KRABD2: variants seen among roughly 807,000 people sequenced by gnomAD.
KRABD2 encodes KRAB domain-containing protein 2.
At chr17:8,369,776 C>T in the KRABD2 span, 1 of 1,614,178 alleles carries the variant, frequency 6.2e-7, no homozygotes, top group Non-Finnish European at 8.5e-7. Flanking sequence ...ATAAAATGAA[C>T]TTGAACTCAC....
chr17:8,376,233 T>C, the KRABD2 span: 1 of 1,230,768 alleles, frequency 8.1e-7, no homozygotes, highest in Non-Finnish European at 1.0e-6. Context: ...AGGTCGTTAT[T>C]AGCAAGGTAG....
chr17:8,374,937 CAAAAAAAAA>C, the KRABD2 span, among the ~76,000 whole-genome samples: 1,064 of 46,254 alleles, frequency 0.023, 24 homozygotes, highest in Middle Eastern at 0.036. Context: ...GACTCTGTCA[CAAAAAAAAA>C]AAAAAAAAAA....
the KRABD2 span, chr17:8,365,441 G>C: frequency 1.3e-5 from 2 of 152,232 alleles, no homozygotes; most frequent in Non-Finnish European, 2.9e-5. Context: ...GTTGGAAGGA[G>C]GATGGAAACT....
At chr17:8,376,563 G>A in the KRABD2 span, 8 of 986,852 alleles carry the variant, frequency 8.1e-6, no homozygotes, top group African/African-American at 1.7e-5. Flanking sequence ...CCGTCCACCC[G>A]CCAGCTCAGG....
At chr17:8,371,178 AAT>A in the KRABD2 span, 3 of 821,506 alleles carry the variant, frequency 3.7e-6, no homozygotes, top group Non-Finnish European at 1.9e-6. Flanking sequence ...AAAAAAAAAA[AAT>A]TTCTTATGGC....
At chr17:8,369,581 G>T in the KRABD2 span, 1 of 1,614,092 alleles carries the variant, frequency 6.2e-7, no homozygotes, top group Non-Finnish European at 8.5e-7. Context: ...CAATCTTTAG[G>T]TCTGGCCACA....
the KRABD2 span, chr17:8,359,872 G>A: frequency 2.2e-6 from 1 of 455,670 alleles, no homozygotes; most frequent in South Asian, 1.5e-5. Flanking sequence ...ATTGCATCAG[G>A]AGAAAGAGAG....
the KRABD2 span, chr17:8,370,365 AT>A: frequency 1.3e-6 from 2 of 1,579,988 alleles, no homozygotes; most frequent in South Asian, 2.4e-5. Context: ...CTGAGGCATC[AT>A]GGAGAGCTGT....
the KRABD2 span, chr17:8,376,602 G>A: frequency 2.2e-5 from 22 of 986,016 alleles, no homozygotes; most frequent in Non-Finnish European, 2.6e-5. Context: ...GCGCGCGGTG[G>A]AGAAAAGAGC....
At chr17:8,371,494 A>C in the KRABD2 span, 2 of 1,609,868 alleles carry the variant, frequency 1.2e-6, no homozygotes, top group Non-Finnish European at 1.7e-6. Context: ...CTTCAGCAGG[A>C]CTGGGGAAGA....
chr17:8,368,327 A>G, the KRABD2 span, among the ~76,000 whole-genome samples: 5,702 of 152,260 alleles, frequency 0.037, 157 homozygotes, highest in East Asian at 0.076. Context: ...GTCAAGTTGT[A>G]TATGGTAGTC....
At chr17:8,369,433 C>T in the KRABD2 span, 11 of 1,614,070 alleles carry the variant, frequency 6.8e-6, no homozygotes, top group African/African-American at 1.3e-5. Flanking sequence ...TGATTCCTCA[C>T]CATCTGCATG....
chr17:8,375,701 C>CTTTT, the KRABD2 span: 5 of 146,876 alleles, frequency 3.4e-5, no homozygotes, highest in Non-Finnish European at 4.0e-5. Flanking sequence ...TCTTTTCTTT[C>CTTTT]TTTTTTTTTT....
chr17:8,376,689 C>G, the KRABD2 span: 7 of 984,228 alleles, frequency 7.1e-6, no homozygotes, highest in African/African-American at 1.7e-5. Flanking sequence ...CCCAGAGGCC[C>G]CCGAGCAGCA....
chr17:8,360,350 A>G, the KRABD2 span, among the ~76,000 whole-genome samples: 1 of 152,128 alleles, frequency 6.6e-6, no homozygotes, highest in Non-Finnish European at 1.5e-5. Flanking sequence ...TGATTCTAAA[A>G]GGCAAAGTCT....
At chr17:8,359,710 G>A in the KRABD2 span, 1 of 456,040 alleles carries the variant, frequency 2.2e-6, no homozygotes, top group East Asian at 6.9e-5. Flanking sequence ...AGTTTCAGGT[G>A]TCTGGACTGG....
the KRABD2 span, among the ~76,000 whole-genome samples, chr17:8,366,176 C>A: frequency 6.6e-6 from 1 of 152,092 alleles, no homozygotes; most frequent in Non-Finnish European, 1.5e-5. Flanking sequence ...GCCCTTTCTC[C>A]TTCCCCGTGC....
the KRABD2 span, chr17:8,367,120 C>A: frequency 6.6e-6 from 1 of 152,230 alleles, no homozygotes; most frequent in Non-Finnish European, 1.5e-5. Context: ...GTCCCACCAG[C>A]TTTACATTCT....
the KRABD2 span, among the ~76,000 whole-genome samples, chr17:8,375,290 C>G: frequency 2.6e-4 from 39 of 152,186 alleles, no homozygotes; most frequent in African/African-American, 8.7e-4. Context: ...GGATTACAGG[C>G]GTGAGCCACT....
Sources: gnomAD v4.1 joint callset for allele counts (sites outside exome capture counted in the v4.1 genomes callset) on GRCh38, gnomAD v4.1.1 for gene constraint, MANE v1.5 for transcripts, NCBI Gene and HGNC (gene_info 2026-07-23, HGNC 2026-07-21) for gene names.